HMCN2: variants seen among roughly 807,000 people sequenced by gnomAD.
HMCN2 encodes hemicentin-2.
In HMCN2, 325 loss-of-function variants were observed where a neutral mutation model predicts 377.5. The ratio of observed to expected loss-of-function variants is 0.86; its 90% confidence interval spans 0.79 to 0.94. The LOEUF (loss-of-function observed/expected upper bound fraction) is 0.94, where lower values mean the gene tolerates loss of function less well. HMCN2 is among the 40% of genes least tolerant of loss of function. The pLI, the probability that HMCN2 is intolerant of heterozygous loss-of-function variation, is 0.00. For missense variants in HMCN2, 4,543 were observed against 4,725.3 expected, an observed-to-expected ratio of 0.96 and a Z score of 1.13; for synonymous variants, 2,007 against 2,046.8, an observed-to-expected ratio of 0.98 and a Z score of 0.53.
At chr9:130,362,281 G>A (rs551684603) in intron 39 of HMCN2, 116 bp downstream of exon 39, 22 of 613,364 alleles carry the variant, frequency 3.6e-5, no homozygotes, top group African/African-American at 2.4e-4. Context: ...GCCCAGGGCC[G>A]AGGGCTAGAG....
At chr9:130,306,301 C>G (rs782748832) in intron 12 of HMCN2, 31 bp downstream of exon 12, 33 of 469,196 alleles carry the variant, frequency 7.0e-5, no homozygotes, top group South Asian at 5.1e-4. Flanking sequence ...ATCTCAGGGA[C>G]TCACAGCAGG....
chr9:130,386,673 C>T (rs1370171607), intron 61 of HMCN2, 149 bp downstream of exon 61: 1 of 368,748 alleles, frequency 2.7e-6, no homozygotes, highest in Non-Finnish European at 4.9e-6. Flanking sequence ...CTATCTATAT[C>T]TACATCTCTT....
rs1168911529 is a variant in HMCN2 at position 130,433,833 on chromosome 9, C to G, written c.*140C>G. 2.9e-6 allele frequency: 2 copies of G among 694,706 alleles called. No individual in the cohort carries two copies. Among genetic ancestry groups the G allele is most frequent in the Non-Finnish European group, 4.4e-6 (2 of 453,812 alleles). The allele number at this position is 694,706 out of a possible 1,614,324, so 43.0% of individuals were successfully genotyped here. A position where few individuals can be genotyped will look rare whatever the true frequency, so the allele number is the denominator to read the frequency against. On this transcript the variant is annotated 3_prime_UTR_variant, in exon 98 of 98. Coordinates refer to ENST00000683500, the MANE Select transcript of HMCN2 (RefSeq NM_001291815.2). ...GCGTCAGCGAGACCTTGGGTCAACA[C>G]GACCCTGCGCACAGCCTTGACCCCC...
chr9:130,279,071 T>C (rs1428876466), intron 1 of HMCN2, among the ~76,000 whole-genome samples: 3 of 151,358 alleles, frequency 2.0e-5, no homozygotes, highest in African/African-American at 7.3e-5. Context: ...CTAATTTTTG[T>C]ATTTTTAGTA....
chr9:130,292,018 C>CTT lies in HMCN2; in HGVS notation c.613-2823_613-2822dup, dbSNP rs35195661. Among the ~76,000 whole-genome samples the CTT allele has an allele frequency of 7.4e-3, 1,058 of 142,610 alleles. 10 individuals are homozygous for CTT. The highest frequency in any genetic ancestry group is 6.8e-3 in the East Asian group (33 of 4,842). 93.6% of individuals were successfully genotyped at this position (142,610 alleles called of 152,430 possible). On this transcript the variant is annotated intron_variant, in intron 4 of 97. Coordinates refer to ENST00000683500, the MANE Select transcript of HMCN2 (RefSeq NM_001291815.2). ...GATTATTTCCTTGTGGTGGCATTCA[C>CTT]TTTTTTTTTTTTTTTAATCCCCTAT...
Position 130,430,616 on chromosome 9 carries a change from C to T in HMCN2, c.14647+12C>T. On this transcript the variant is annotated intron_variant, in intron 95 of 97. Coordinates refer to ENST00000683500, the MANE Select transcript of HMCN2 (RefSeq NM_001291815.2). ...CGGAGTCTGCACAGGTAAGGCCAGG[C>T]CCTGACCATCCACGGGACACTGCCG... 6.5e-7 allele frequency: 1 copy of T among 1,538,498 alleles called. No individual in the cohort carries two copies. The highest frequency in any genetic ancestry group is 8.8e-7 in the Non-Finnish European group (1 of 1,138,674).
At chr9:130,400,706 A>G (rs1405615683) in intron 76 of HMCN2, 77 bp from the exon 77 acceptor site, 2 of 1,106,524 alleles carry the variant, frequency 1.8e-6, no homozygotes, top group African/African-American at 3.3e-5. Context: ...CTTGTGTACT[A>G]GCTTTACCCC....
At position 130,388,509 on chromosome 9, in the gene HMCN2, G is replaced by T. The variant is rs937427490; in HGVS notation, c.9492G>T (p.Thr3164=). The change falls in exon 62 of 98, where the codon ACG becomes ACT. Residue 3164 remains threonine (T), a synonymous_variant. Transcript: ENST00000683500. The stretch of plus-strand genomic sequence containing the variant: ...ATGTGTCCGGGGTCCCTGCACCCAC[G>T]GTCACTTGGCTGAAGGACAGGATGC... ...TCDVSGVPAP[T]VTWLKDRMPV... is the part of the protein sequence containing the mutation. 1 of 988,084 alleles carries T rather than the reference G, an allele frequency of 1.0e-6. No homozygotes were observed. Among genetic ancestry groups the T allele is most frequent in the East Asian group, 1.1e-4 (1 of 8,800 alleles). 61.2% of individuals were successfully genotyped at this position (988,084 alleles called of 1,614,324 possible).
intron 86 of HMCN2, among the ~76,000 whole-genome samples, chr9:130,421,668 C>G (rs918250633): frequency 6.6e-6 from 1 of 152,202 alleles, no homozygotes; most frequent in Non-Finnish European, 1.5e-5. Flanking sequence ...CACGGCCCTT[C>G]TCCTGTCCCT....
intron 56 of HMCN2, among the ~76,000 whole-genome samples, chr9:130,383,268 G>T (rs563915355): frequency 3.9e-3 from 120 of 30,940 alleles, no homozygotes; most frequent in African/African-American, 5.1e-3. Context: ...CCACAGGGGT[G>T]GGGGAGGCTC....
rs1588191393 is a variant in HMCN2 at position 130,295,785 on chromosome 9, G to A, written c.891+13G>A. ...GTGGTCCATCAAGGTAGGGGCACTG[G>A]GTTGCAGGAGAAAGGTCGACTAGCT... On this transcript the variant is annotated intron_variant, in intron 6 of 97. Transcript: ENST00000683500. The A allele has an allele frequency of 2.1e-6, 1 of 470,504 alleles. No individual in the cohort carries two copies. Among genetic ancestry groups the A allele is most frequent in the East Asian group, 7.0e-5 (1 of 14,378 alleles). 29.1% of individuals were successfully genotyped at this position (470,504 alleles called of 1,614,324 possible). A position where few individuals can be genotyped will look rare whatever the true frequency, so the allele number is the denominator to read the frequency against.
intron 30 of HMCN2, among the ~76,000 whole-genome samples, chr9:130,352,534 C>T (rs1312489883): frequency 6.6e-6 from 1 of 152,208 alleles, no homozygotes; most frequent in African/African-American, 2.4e-5. Flanking sequence ...GTGCCCCTAG[C>T]ATTGTCCTGG....
chr9:130,287,626 A>G (rs1431629026), intron 4 of HMCN2, among the ~76,000 whole-genome samples: 2 of 151,818 alleles, frequency 1.3e-5, no homozygotes, highest in Non-Finnish European at 2.9e-5. Context: ...GCTACTTTGC[A>G]TAATCATAAC....
At chr9:130,430,234 C>G in intron 94 of HMCN2, 50 bp from the exon 95 acceptor site, 1 of 1,427,808 alleles carries the variant, frequency 7.0e-7, no homozygotes, top group Non-Finnish European at 9.4e-7. Flanking sequence ...CTGCAGGCTG[C>G]AGGGGAACCT....
chr9:130,357,767 T>G, intron 34 of HMCN2, 67 bp from the exon 35 acceptor site: 1 of 1,198,800 alleles, frequency 8.3e-7, no homozygotes, highest in Admixed American at 2.6e-5. Flanking sequence ...ATCGAGGGGG[T>G]TGCTGGGTGC....
At chr9:130,309,647 G>C (rs1298503108) in intron 14 of HMCN2, among the ~76,000 whole-genome samples, 1 of 151,898 alleles carries the variant, frequency 6.6e-6, no homozygotes, top group Non-Finnish European at 1.5e-5. Flanking sequence ...AGCGGGGGGG[G>C]TCCAAACATG....
chr9:130,317,962 G>C (rs1268513856), intron 15 of HMCN2, among the ~76,000 whole-genome samples: 1 of 152,088 alleles, frequency 6.6e-6, no homozygotes, highest in Non-Finnish European at 1.5e-5. Context: ...GCTGGGGAAG[G>C]TAGGCTGTTG....
intron 88 of HMCN2, 23 bp from the exon 89 acceptor site, chr9:130,424,986 G>T (rs1308959731): frequency 1.3e-6 from 2 of 1,531,348 alleles, no homozygotes; most frequent in South Asian, 2.5e-5. Context: ...GGTGACTCTG[G>T]GCTGGGTGGG....
At chr9:130,374,216 T>G in intron 48 of HMCN2, among the ~76,000 whole-genome samples, 1 of 141,416 alleles carries the variant, frequency 7.1e-6, no homozygotes, top group Non-Finnish European at 1.6e-5. Flanking sequence ...GATGGATTGG[T>G]GGGTGGTGTG....
Sources: allele counts gnomAD v4.1 joint callset (sites outside exome capture counted in the v4.1 genomes callset), GRCh38; gene constraint gnomAD v4.1.1; transcripts MANE v1.5; gene names NCBI Gene and HGNC (gene_info 2026-07-23, HGNC 2026-07-21).